VAV3: variants seen among roughly 807,000 people sequenced by gnomAD.
VAV3 encodes guanine nucleotide exchange factor VAV3.
In VAV3, 94 loss-of-function variants were observed where a neutral mutation model predicts 131.2. The observed-to-expected ratio is 0.72, with a 90% CI of 0.61 to 0.85. The LOEUF is 0.85. Among genes scored for constraint, VAV3 ranks in the 40% least tolerant of loss-of-function variants. The pLI, the probability that VAV3 is intolerant of heterozygous loss-of-function variation, is 0.00. For missense variants in VAV3, 939 were observed against 1,002.7 expected (o/e 0.94, Z 0.86); for synonymous variants, 349 against 342.0 (o/e 1.02, Z -0.22).
intron 2 of VAV3, among the ~76,000 whole-genome samples, chr1:107,852,934 T>C (rs944853587): frequency 2.6e-5 from 4 of 151,900 alleles, no homozygotes; most frequent in African/African-American, 9.7e-5. Flanking sequence ...TTATCAATTC[T>C]CAGTATTTTC....
At chr1:107,585,530 T>C (rs1002070054) in intron 25 of VAV3, among the ~76,000 whole-genome samples, 2 of 152,148 alleles carry the variant, frequency 1.3e-5, no homozygotes, top group Non-Finnish European at 2.9e-5. Flanking sequence ...TTGAACCTCA[T>C]CTCCAGCTAC....
At chr1:107,796,664 CTTA>C (rs1345419831) in intron 2 of VAV3, among the ~76,000 whole-genome samples, 3 of 151,814 alleles carry the variant, frequency 2.0e-5, no homozygotes, top group Admixed American at 6.6e-5. Context: ...TGTAAGAGTA[CTTA>C]TTATGCTCAC....
intron 17 of VAV3, among the ~76,000 whole-genome samples, chr1:107,698,034 A>T (rs1019421661): frequency 6.6e-6 from 1 of 152,208 alleles, no homozygotes; most frequent in Non-Finnish European, 1.5e-5. Context: ...CCTGGATTTG[A>T]ATCTTGGTTG....
At chr1:107,834,951 C>T (rs1668405790) in intron 2 of VAV3, among the ~76,000 whole-genome samples, 1 of 152,066 alleles carries the variant, frequency 6.6e-6, no homozygotes, top group African/African-American at 2.4e-5. Context: ...GGCATCTGTC[C>T]AGAGAGTAGA....
intron 1 of VAV3, among the ~76,000 whole-genome samples, chr1:107,896,116 A>G (rs1035284755): frequency 5.9e-5 from 9 of 152,210 alleles, no homozygotes; most frequent in Non-Finnish European, 1.3e-4. Context: ...CAACACAGAT[A>G]CATAATGTTC....
At chr1:107,597,240 CAG>C (rs1651472046) in intron 24 of VAV3, among the ~76,000 whole-genome samples, 2 of 140,228 alleles carry the variant, frequency 1.4e-5, no homozygotes, top group African/African-American at 5.3e-5. Context: ...AAAAAAAAAA[CAG>C]AAAAAAAAAC....
At chr1:107,911,761 C>T (rs951742985) in intron 1 of VAV3, among the ~76,000 whole-genome samples, 2 of 152,180 alleles carry the variant, frequency 1.3e-5, no homozygotes, top group Admixed American at 6.5e-5. Flanking sequence ...TGGGATATAA[C>T]ATCAAGGGGA....
intron 15 of VAV3, among the ~76,000 whole-genome samples, chr1:107,726,027 G>A (rs1661820225): frequency 6.6e-6 from 1 of 151,682 alleles, no homozygotes; most frequent in Non-Finnish European, 1.5e-5. Context: ...GTTATTGCTA[G>A]ACCAAAAAAA....
intron 19 of VAV3, among the ~76,000 whole-genome samples, chr1:107,644,879 T>C (rs1437938867): frequency 6.6e-6 from 1 of 151,178 alleles, no homozygotes; most frequent in Non-Finnish European, 1.5e-5. Flanking sequence ...ACATGTAAAA[T>C]TATATTTAAC....
At chr1:107,699,152 G>A (rs1419384887) in intron 17 of VAV3, among the ~76,000 whole-genome samples, 1 of 152,178 alleles carries the variant, frequency 6.6e-6, no homozygotes, top group African/African-American at 2.4e-5. Context: ...AGTTTCATCT[G>A]AGACAAGGCA....
intron 11 of VAV3, among the ~76,000 whole-genome samples, chr1:107,756,537 T>C (rs992103405): frequency 6.6e-6 from 1 of 152,144 alleles, no homozygotes; most frequent in African/African-American, 2.4e-5. Flanking sequence ...AGTTAAGTAA[T>C]TATGCACTGC....
chr1:107,842,056 C>T lies in VAV3; in HGVS notation c.321+32845G>A, dbSNP rs75321380. On this transcript the variant is annotated intron_variant, in intron 2 of 26. Transcript: ENST00000370056. ...AATAAATTTTTCTATACTACCATTG[C>T]TCATGCCCCAAATTACTCAAAAACA... Among the ~76,000 whole-genome samples the T allele has an allele frequency of 3.4e-4, 52 of 152,146 alleles. No homozygotes were observed. In the East Asian group the frequency reaches 7.7e-3, roughly 23 times the overall value.
At chr1:107,734,380 G>A (rs960004750) in intron 15 of VAV3, among the ~76,000 whole-genome samples, 1 of 152,112 alleles carries the variant, frequency 6.6e-6, no homozygotes, top group African/African-American at 2.4e-5. Flanking sequence ...AAATGTAAAT[G>A]GCCTAATCCC....
chr1:107,730,671 A>G (rs1662183647), intron 15 of VAV3, among the ~76,000 whole-genome samples: 1 of 152,214 alleles, frequency 6.6e-6, no homozygotes, highest in South Asian at 2.1e-4. Flanking sequence ...GTTACTTATT[A>G]TTTGATTTTA....
At chr1:107,909,345 A>G (rs1170629208) in intron 1 of VAV3, among the ~76,000 whole-genome samples, 1 of 147,520 alleles carries the variant, frequency 6.8e-6, no homozygotes, top group Non-Finnish European at 1.5e-5. Flanking sequence ...ATAAGTAAAA[A>G]AATGTTATAT....
At chr1:107,748,785 T>C (rs1365641608) in intron 15 of VAV3, among the ~76,000 whole-genome samples, 183 bp downstream of exon 15, 3 of 152,206 alleles carry the variant, frequency 2.0e-5, no homozygotes, top group Admixed American at 6.5e-5. Flanking sequence ...ACTCCTCTCC[T>C]AGGAGACCAA....
chr1:107,578,489 A>C (rs893466823), intron 25 of VAV3, among the ~76,000 whole-genome samples: 4 of 152,152 alleles, frequency 2.6e-5, no homozygotes, highest in Non-Finnish European at 5.9e-5. Flanking sequence ...ATCTAACTCT[A>C]TTATTGGCAG....
chr1:107,858,951 T>G (rs1158833825), intron 2 of VAV3, among the ~76,000 whole-genome samples: 1 of 152,190 alleles, frequency 6.6e-6, no homozygotes, highest in Admixed American at 6.5e-5. Context: ...ATGGCTTAAA[T>G]ACTGTCTAAA....
At chr1:107,886,027 G>A (rs1354695856) in intron 1 of VAV3, among the ~76,000 whole-genome samples, 1 of 152,178 alleles carries the variant, frequency 6.6e-6, no homozygotes. Context: ...GAACAAAAAG[G>A]TCATGAGAAA....
Sources: allele counts gnomAD v4.1 joint callset (sites outside exome capture counted in the v4.1 genomes callset), GRCh38; gene constraint gnomAD v4.1.1; transcripts MANE v1.5; gene names NCBI Gene and HGNC (gene_info 2026-07-23, HGNC 2026-07-21).